The following RNASEH1 variants were observed in gnomAD, a reference collection of about 807,000 sequenced individuals.
RNASEH1 encodes the protein ribonuclease H type II.
In RNASEH1, 27 loss-of-function variants were observed where a neutral mutation model predicts 34.6. That is an observed-to-expected ratio of 0.78 (90% CI 0.58 to 1.08). RNASEH1 has a LOEUF of 1.08. Ranked by LOEUF, RNASEH1 falls within the 50% of genes least tolerant of loss-of-function variation. The pLI, the probability that RNASEH1 is intolerant of heterozygous loss-of-function variation, is 0.00. For synonymous variants in RNASEH1, 162 were observed against 138.4 expected (o/e 1.17, Z -1.20); for missense variants, 349 against 373.6 (o/e 0.93, Z 0.54).
At chr2:3,556,152 C>T (rs542823496) in intron 2 of RNASEH1, among the ~76,000 whole-genome samples, 2 of 151,612 alleles carry the variant, frequency 1.3e-5, no homozygotes, top group East Asian at 3.9e-4. Flanking sequence ...CCAGCCTGCG[C>T]AACAGAGACT....
rs1668341702 is a variant in RNASEH1, at chr2:3,541,958, G to T, written c.*3827C>A. Among the ~76,000 whole-genome samples the T allele has an allele frequency of 6.6e-6, 1 of 152,154 alleles. No homozygotes were observed. The highest frequency in any genetic ancestry group is 1.5e-5 in the Non-Finnish European group (1 of 68,042). On this transcript the variant is annotated 3_prime_UTR_variant, in exon 8 of 8. Coordinates refer to ENST00000315212, the MANE Select transcript of RNASEH1 (RefSeq NM_002936.6). ...GCTTGAGGCCAGGAGTTTAAGACCA[G>T]CCTGGGCAACACAGTGAGACACTGT... is the stretch of plus-strand genomic sequence containing the variant.
At chr2:3,556,765 C>A in intron 2 of RNASEH1, 24 bp downstream of exon 2, 1 of 1,506,668 alleles carries the variant, frequency 6.6e-7, no homozygotes, top group South Asian at 1.1e-5. Context: ...GTTAAAATGT[C>A]ACACTGATAT....
chr2:3,550,725 A>T (rs145117947), intron 3 of RNASEH1, among the ~76,000 whole-genome samples: 1 of 152,298 alleles, frequency 6.6e-6, no homozygotes, highest in Non-Finnish European at 1.5e-5. Context: ...GTAAAACTAG[A>T]GCCTGCTGCA....
At chr2:3,548,787 C>G (rs886505396) in intron 5 of RNASEH1, 63 bp from the exon 6 acceptor site, 1 of 1,216,356 alleles carries the variant, frequency 8.2e-7, no homozygotes, top group Non-Finnish European at 1.2e-6. Flanking sequence ...TACTAAAGTT[C>G]AAAAGTACTT....
At chr2:3,548,542 C>T (rs1186671319) in intron 6 of RNASEH1, 98 bp downstream of exon 6, 3 of 741,358 alleles carry the variant, frequency 4.0e-6, no homozygotes, top group African/African-American at 3.5e-5. Context: ...AATGTCATCC[C>T]CCCGTTCCCA....
At chr2:3,549,889 T>C (rs189114229) in intron 4 of RNASEH1, among the ~76,000 whole-genome samples, 8 of 147,980 alleles carry the variant, frequency 5.4e-5, no homozygotes, top group Middle Eastern at 3.6e-3. Context: ...GAGCTTGCAG[T>C]GAGCCGAGAT....
intron 2 of RNASEH1, among the ~76,000 whole-genome samples, chr2:3,553,734 C>G (rs540139120): frequency 6.6e-6 from 1 of 151,882 alleles, no homozygotes; most frequent in Admixed American, 6.6e-5. Flanking sequence ...TGGGAAGGGC[C>G]CATATCTCAC....
chr2:3,548,919 T>C (rs1360569931), intron 5 of RNASEH1, 139 bp downstream of exon 5: 37 of 884,030 alleles, frequency 4.2e-5, no homozygotes, highest in Non-Finnish European at 5.8e-5. Flanking sequence ...ACAAAATTCC[T>C]ATTTTTCAAA....
At chr2:3,553,623 C>G (rs1015945657) in intron 2 of RNASEH1, among the ~76,000 whole-genome samples, 2 of 152,136 alleles carry the variant, frequency 1.3e-5, no homozygotes, top group Admixed American at 6.5e-5. Flanking sequence ...GAACTCCTGA[C>G]CTTGTGATCC....
At chr2:3,546,336 A>C (rs550079065) in intron 7 of RNASEH1, among the ~76,000 whole-genome samples, 1 of 152,332 alleles carries the variant, frequency 6.6e-6, no homozygotes, top group East Asian at 1.9e-4. Flanking sequence ...GGAAGGCAGA[A>C]CAAGGCAGGG....
Position 3,556,803 on chromosome 2 carries a change from G to C in RNASEH1, c.230C>G (p.Pro77Arg), listed in dbSNP as rs980124072. Reference sequence around the variant, plus strand: ...GAGGTGACTACCTTCTGAAACTTCCGGGCTTGCAGATTTCCTGACAAAGGC... The same window carrying C: ...GAGGTGACTACCTTCTGAAACTTCCCGGCTTGCAGATTTCCTGACAAAGGC... ...AWAFVRKSAS[P>R]EVSEGHENQH... Residue 77 changes from proline to arginine, a missense_variant, in exon 2 of 8, where the codon CCG becomes CGG. Transcript: ENST00000315212. The C allele has an allele frequency of 1.5e-5, 24 of 1,612,918 alleles. No homozygotes were observed. In the Admixed American group the frequency reaches 3.7e-4, roughly 25 times the overall value.
the RNASEH1 span, chr2:3,534,359 G>A: frequency 2.0e-5 from 3 of 152,462 alleles, no homozygotes; most frequent in South Asian, 6.2e-4. Context: ...ACACCCGTTT[G>A]CTGAAGTTGC....
chr2:3,549,971 C>T (rs1311662258), intron 4 of RNASEH1, among the ~76,000 whole-genome samples: 1 of 149,074 alleles, frequency 6.7e-6, no homozygotes, highest in Non-Finnish European at 1.5e-5. Flanking sequence ...AAAGACTCCT[C>T]CCCAGGGCAA....
At chr2:3,532,189 G>C in the RNASEH1 span, 3 of 693,308 alleles carry the variant, frequency 4.3e-6, no homozygotes, top group African/African-American at 5.3e-5. Flanking sequence ...AGACCTCCGG[G>C]TGTCAGCACC....
intron 2 of RNASEH1, among the ~76,000 whole-genome samples, chr2:3,556,153 AAC>A (rs1338740460): frequency 2.6e-5 from 4 of 152,170 alleles, no homozygotes; most frequent in Admixed American, 2.6e-4. Flanking sequence ...CAGCCTGCGC[AAC>A]AGAGACTCTG....
chr2:3,543,616 A>ATTCTT lies in RNASEH1; in HGVS notation c.*2164_*2168dup, dbSNP rs1267901224. Among the ~76,000 whole-genome samples, 1 of 151,976 alleles carries ATTCTT rather than the reference A, an allele frequency of 6.6e-6. No individual in the cohort carries two copies. The highest frequency in any genetic ancestry group is 1.5e-5 in the Non-Finnish European group (1 of 67,986). On this transcript the variant is annotated 3_prime_UTR_variant, in exon 8 of 8. Transcript: ENST00000315212. ...CCACCAAGTATGCTTAACTCCACAA[A>ATTCTT]TTCTTTTTTTTTTTTAAGACAAGGA...
chr2:3,545,615 C>A lies in RNASEH1; in HGVS notation c.*170G>T, dbSNP rs1353192981. ...ATGTTCAATTTATTATATACTTAAC[C>A]ATTTTTTATAAACACATGTCACAGA... On this transcript the variant is annotated 3_prime_UTR_variant, in exon 8 of 8. Transcript: ENST00000315212. The A allele has an allele frequency of 1.7e-6, 1 of 604,548 alleles. No individual in the cohort carries two copies. The highest frequency in any genetic ancestry group is 3.0e-6 in the Non-Finnish European group (1 of 337,130). 37.4% of individuals were successfully genotyped at this position (604,548 alleles called of 1,614,324 possible).
chr2:3,543,465 C>T lies in RNASEH1; in HGVS notation c.*2320G>A, dbSNP rs527516855. Among the ~76,000 whole-genome samples, 1 of 150,322 alleles carries T rather than the reference C, an allele frequency of 6.7e-6. No homozygotes were observed. On this transcript the variant is annotated 3_prime_UTR_variant, in exon 8 of 8. Coordinates refer to ENST00000315212, the MANE Select transcript of RNASEH1 (RefSeq NM_002936.6). Reference sequence around the variant, plus strand: ...AATGACTGTGCGTGTGGTCTGTGCACACATGTATGCACACATGTGCACACT... The same window carrying T: ...AATGACTGTGCGTGTGGTCTGTGCATACATGTATGCACACATGTGCACACT...
chr2:3,558,096 G>A (rs779730848), intron 1 of RNASEH1, 37 bp downstream of exon 1: 4 of 1,562,258 alleles, frequency 2.6e-6, no homozygotes, highest in South Asian at 1.2e-5. Flanking sequence ...CGACCCCGAT[G>A]CCGGCAGGGA....
Sources: allele counts gnomAD v4.1 joint callset (sites outside exome capture counted in the v4.1 genomes callset), GRCh38; gene constraint gnomAD v4.1.1; transcripts MANE v1.5; gene names NCBI Gene and HGNC (gene_info 2026-07-23, HGNC 2026-07-21).